The following WDFY4 variants were observed in gnomAD, a reference collection of about 807,000 sequenced individuals.
WDFY4 encodes the protein WD repeat- and FYVE domain-containing protein 4.
WDFY4 carries 169 observed loss-of-function variants against 351.9 expected under a neutral mutation model. The observed-to-expected ratio is 0.48, with a 90% CI of 0.42 to 0.55. The LOEUF (loss-of-function observed/expected upper bound fraction) is 0.55. Among genes scored for constraint, WDFY4 ranks in the 20% least tolerant of loss-of-function variants. The probability of loss-of-function intolerance (pLI) is 0.00; values close to 1 mark genes in which losing one functional copy is unlikely to be tolerated. For missense variants in WDFY4, 3,803 were observed against 3,935.6 expected (o/e 0.97, Z 0.90); for synonymous variants, 1,622 against 1,574.6 (o/e 1.03, Z -0.71).
At chr10:48,782,677 A>G (rs1034924677) in intron 19 of WDFY4, among the ~76,000 whole-genome samples, 8 of 152,258 alleles carry the variant, frequency 5.3e-5, no homozygotes, top group Admixed American at 3.3e-4. Flanking sequence ...CATCTGTTGG[A>G]CAAGAGTAAG....
chr10:48,906,970 T>C (rs1837646890), intron 47 of WDFY4, among the ~76,000 whole-genome samples: 3 of 152,068 alleles, frequency 2.0e-5, no homozygotes. Flanking sequence ...ACATACTTTC[T>C]CTTGGTGCTG....
At chr10:48,721,401 A>C (rs1389800657) in intron 4 of WDFY4, 34 bp downstream of exon 4, 1 of 1,542,504 alleles carries the variant, frequency 6.5e-7, no homozygotes, top group Admixed American at 2.0e-5. Context: ...TGCCCTGGGC[A>C]CTGCTCATCT....
At chr10:48,912,922 C>T (rs1219388400) in intron 47 of WDFY4, among the ~76,000 whole-genome samples, 7 of 152,250 alleles carry the variant, frequency 4.6e-5, no homozygotes, top group African/African-American at 1.7e-4. Flanking sequence ...TACCCAACAC[C>T]AAGTGCTCAT....
At chr10:48,774,896 C>A (rs977860909) in intron 14 of WDFY4, among the ~76,000 whole-genome samples, 1 of 151,524 alleles carries the variant, frequency 6.6e-6, no homozygotes, top group Non-Finnish European at 1.5e-5. Context: ...CACGTGGGGG[C>A]TGGAGGGGGC....
At chr10:48,853,529 C>T (rs2069026379) in intron 39 of WDFY4, among the ~76,000 whole-genome samples, 1 of 152,220 alleles carries the variant, frequency 6.6e-6, no homozygotes, top group Admixed American at 6.5e-5. Flanking sequence ...CATGTGAACT[C>T]TCACCTGGGC....
chr10:48,865,888 TATAA>T (rs1183340571), intron 39 of WDFY4, among the ~76,000 whole-genome samples: 2 of 152,188 alleles, frequency 1.3e-5, no homozygotes, highest in Non-Finnish European at 2.9e-5. Flanking sequence ...AGTATTTTTT[TATAA>T]TCTTTTGAAA....
chr10:48,963,904 C>A lies in WDFY4; in HGVS notation c.8286C>A (p.Tyr2762Ter). 1 of 1,551,454 alleles carries A rather than the reference C, an allele frequency of 6.4e-7. No homozygotes were observed. Among genetic ancestry groups the A allele is most frequent in the Non-Finnish European group, 8.7e-7 (1 of 1,146,970 alleles). ...LHHWIDLIFG[Y>*]KQQGPAAVDA... is the part of the protein sequence containing the mutation. ...ATTGGATAGACCTTATTTTTGGGTACAAGCAGCAGGGGCCAGCCGCAGTGG... is the reference window on the plus strand; with the variant it reads ...ATTGGATAGACCTTATTTTTGGGTAAAAGCAGCAGGGGCCAGCCGCAGTGG... Residue 2762 changes from tyrosine (Y) to a stop codon, truncating the protein, a stop_gained, in exon 54 of 62, where the codon TAC becomes TAA. Coordinates refer to ENST00000325239, the MANE Select transcript of WDFY4 (RefSeq NM_001394531.1). LOFTEE classifies it high-confidence loss of function.
In WDFY4 at chr10:48,720,119, C is replaced by T. The variant is rs1467577730; in HGVS notation, c.343C>T (p.Pro115Ser). The change falls in exon 3 of 62, where the codon CCT becomes TCT. Residue 115 changes from proline (P) to serine (S), a missense_variant. Physicochemically the swap from Pro to Ser is moderately conservative, Grantham distance 74. Transcript: ENST00000325239. ...QQLQKALVGK[P>S]AEQARLAAGQ... ...ACTCCAGAAGGCCCTTGTGGGGAAGCCTGCGGGTAAGAGCATGGAGGTGCT... is the reference window on the plus strand; with the variant it reads ...ACTCCAGAAGGCCCTTGTGGGGAAGTCTGCGGGTAAGAGCATGGAGGTGCT... The T allele has an allele frequency of 1.9e-6, 3 of 1,551,714 alleles. No homozygotes were observed. Among genetic ancestry groups the T allele is most frequent in the East Asian group, 2.4e-5 (1 of 40,922 alleles).
rs1033360782 is a variant in WDFY4 at position 48,781,501 on chromosome 10, G to A, written c.3576+1382G>A. Among the ~76,000 whole-genome samples the A allele has an allele frequency of 2.6e-5, 4 of 152,022 alleles. No individual in the cohort carries two copies. In the East Asian group the frequency reaches 7.7e-4, roughly 29 times the overall value. The stretch of plus-strand genomic sequence containing the variant: ...AGTAGAGACGGGGTTTCACCAGGCT[G>A]GCCAGGCTGGTCTGAAACTCCTGAC... On this transcript the variant is annotated intron_variant, in intron 19 of 61. Transcript: ENST00000325239.
intron 35 of WDFY4, 83 bp downstream of exon 35, chr10:48,822,620 T>A (rs1022988792): frequency 3.4e-5 from 46 of 1,362,332 alleles, no homozygotes; most frequent in Non-Finnish European, 4.0e-5. Flanking sequence ...CCACTGGATC[T>A]GCCCTCCCTC....
intron 43 of WDFY4, among the ~76,000 whole-genome samples, chr10:48,880,443 C>T (rs907326024): frequency 6.6e-6 from 1 of 152,226 alleles, no homozygotes; most frequent in South Asian, 2.1e-4. Flanking sequence ...CCCTCCCTGC[C>T]TTTTGTTTAA....
intron 39 of WDFY4, among the ~76,000 whole-genome samples, chr10:48,863,773 TA>T (rs2069430365): frequency 6.6e-6 from 1 of 152,148 alleles, no homozygotes; most frequent in African/African-American, 2.4e-5. Flanking sequence ...GGGTAATTTA[TA>T]AAGAAAAGAG....
intron 47 of WDFY4, 76 bp from the exon 48 acceptor site, chr10:48,941,730 G>A (rs1429656205): frequency 6.7e-7 from 1 of 1,500,380 alleles, no homozygotes; most frequent in Non-Finnish European, 9.1e-7. Flanking sequence ...GTGAAGCCCA[G>A]GCAAGCCCCA....
At chr10:48,763,579 C>A (rs189977820) in intron 13 of WDFY4, among the ~76,000 whole-genome samples, 2 of 152,336 alleles carry the variant, frequency 1.3e-5, no homozygotes, top group Non-Finnish European at 2.9e-5. Context: ...GGATGAGCCT[C>A]AGTTTTAGAT....
intron 28 of WDFY4, among the ~76,000 whole-genome samples, chr10:48,809,934 G>A (rs1045576827): frequency 2.6e-5 from 4 of 152,202 alleles, no homozygotes; most frequent in African/African-American, 9.6e-5. Flanking sequence ...TGAACCCAGT[G>A]TCTTTGGCCA....
chr10:48,928,994 T>C (rs1485174053), intron 47 of WDFY4, among the ~76,000 whole-genome samples: 3 of 151,970 alleles, frequency 2.0e-5, no homozygotes, highest in African/African-American at 7.3e-5. Context: ...ATGACAGGTG[T>C]GATGGATGTT....
At position 48,974,869 on chromosome 10, in the gene WDFY4, A is replaced by G. The variant is rs1201923935; in HGVS notation, c.8936A>G (p.Tyr2979Cys). 3.9e-6 allele frequency: 6 copies of G among 1,543,856 alleles called. No homozygotes were observed. The highest frequency in any genetic ancestry group is 3.6e-5 in the South Asian group (3 of 83,430). ...PRGLRLRQAL[Y>C]GHTQAVTCLA... ...GTGAGTCTCTGTCCCCAGGCCTTGT[A>G]TGGACACACACAGGCTGTCACGTGC... is the stretch of plus-strand genomic sequence containing the variant. Residue 2979 changes from tyrosine (Y) to cysteine (C), a missense_variant, in exon 58 of 62, where the codon TAT becomes TGT. Tyr to Cys is a radical substitution (Grantham distance 194). Coordinates refer to ENST00000325239, the MANE Select transcript of WDFY4 (RefSeq NM_001394531.1).
intron 56 of WDFY4, 77 bp from the exon 57 acceptor site, chr10:48,970,054 C>T: frequency 6.0e-6 from 9 of 1,489,412 alleles, no homozygotes; most frequent in Non-Finnish European, 7.2e-6. Flanking sequence ...GACTGGCCCA[C>T]ATACCCCCGT....
At chr10:48,714,599 G>A (rs946026637) in intron 2 of WDFY4, among the ~76,000 whole-genome samples, 2 of 152,218 alleles carry the variant, frequency 1.3e-5, no homozygotes, top group African/African-American at 4.8e-5. Context: ...ATGGGAAGGT[G>A]CTGGTTTTGG....
Sources: gnomAD v4.1 joint callset for allele counts (sites outside exome capture counted in the v4.1 genomes callset) on GRCh38, gnomAD v4.1.1 for gene constraint, MANE v1.5 for transcripts, NCBI Gene and HGNC (gene_info 2026-07-23, HGNC 2026-07-21) for gene names.